SPINDOC: variants seen among roughly 807,000 people sequenced by gnomAD.
SPINDOC encodes spindlin interactor and repressor of chromatin binding.
A neutral mutation model predicts 30.7 loss-of-function variants in SPINDOC; 13 were observed. That is an observed-to-expected ratio of 0.42 (90% CI 0.28 to 0.67). SPINDOC has a LOEUF of 0.67. Ranked by LOEUF, SPINDOC falls within the 30% of genes least tolerant of loss-of-function variation. The pLI is 0.22. For missense variants in SPINDOC, 438 were observed against 518.0 expected, an observed-to-expected ratio of 0.85 and a Z score of 1.50; for synonymous variants, 228 against 211.4, an observed-to-expected ratio of 1.08 and a Z score of -0.68.
chr11:63,817,837 C>T lies in SPINDOC; in HGVS notation c.160C>T (p.Pro54Ser), dbSNP rs770657491. Reference protein sequence around the residue: ...TQQEKTPPPRPSPLEAGSDGC... With the variant: ...TQQEKTPPPRSSPLEAGSDGC... ...ACAGGAGAAGACCCCACCGCCTAGA[C>T]CCAGCCCGCTAGAGGCAGGCAGTGA... The change falls in exon 2 of 6, where the codon CCC becomes TCC. Residue 54 changes from proline to serine, a missense_variant. Physicochemically the swap from Pro to Ser is moderately conservative, Grantham distance 74. Around this residue, in one of 3 missense-constraint regions of SPINDOC, gnomAD observed 129 missense variants for 152.7 expected, o/e 0.84. Coordinates refer to ENST00000294244, the MANE Select transcript of SPINDOC (RefSeq NM_138471.3). The T allele has an allele frequency of 6.2e-7, 1 of 1,603,306 alleles. No homozygotes were observed. Among genetic ancestry groups the T allele is most frequent in the Non-Finnish European group, 8.5e-7 (1 of 1,174,982 alleles).
Position 63,818,474 on chromosome 11 carries a change from C to A in SPINDOC, c.608-53C>A, listed in dbSNP as rs940444612. ...GGTATCTTCAGGAGCCCTGGGGTGG[C>A]AGGGTTCGGGGATGGCCTCTTTAAA... On this transcript the variant is annotated intron_variant, in intron 3 of 5. Coordinates refer to ENST00000294244, the MANE Select transcript of SPINDOC (RefSeq NM_138471.3). The surrounding 1 kb of genome is among the most constrained non-coding windows in gnomAD (Gnocchi z 5.3). The A allele has an allele frequency of 5.0e-6, 8 of 1,603,878 alleles. No individual in the cohort carries two copies. The highest frequency in any genetic ancestry group is 5.9e-6 in the Non-Finnish European group (7 of 1,177,378).
intron 1 of SPINDOC, among the ~76,000 whole-genome samples, 179 bp downstream of exon 1, chr11:63,813,992 G>A (rs2015269480): frequency 6.6e-6 from 1 of 152,188 alleles, no homozygotes; most frequent in Non-Finnish European, 1.5e-5. Context: ...CCATGGTTTA[G>A]AAGCTCAGGC....
At chr11:63,820,870 A>G (rs2015497930) in intron 5 of SPINDOC, among the ~76,000 whole-genome samples, 1 of 136,542 alleles carries the variant, frequency 7.3e-6, no homozygotes, top group South Asian at 2.7e-4. Flanking sequence ...AGCCTGGGCG[A>G]CAGAGCGAAA....
chr11:63,814,020 C>T (rs937906664), intron 1 of SPINDOC, among the ~76,000 whole-genome samples: 1 of 152,248 alleles, frequency 6.6e-6, no homozygotes, highest in Non-Finnish European at 1.5e-5. Context: ...ATTTCCCCCT[C>T]CCTTCCCCTT....
In SPINDOC at chr11:63,818,631, A is replaced by G. The variant is rs1590931793; in HGVS notation, c.712A>G (p.Lys238Glu). ...AAAGAAAAGAGGCAGACCTATGACC[A>G]AAAACCTGGACCCTGACCCAGGTGA... ...VRKKRGRPMTKNLDPDPEPPS... is the reference protein window; with the variant it reads ...VRKKRGRPMTENLDPDPEPPS... Residue 238 changes from lysine (K) to glutamate (E), a missense_variant, in exon 4 of 6, where the codon AAA (lysine) becomes GAA (glutamate). Around this residue, in one of 3 missense-constraint regions of SPINDOC, gnomAD observed 300 missense variants for 332.8 expected, o/e 0.90. Transcript: ENST00000294244. The surrounding 1 kb of genome is among the most constrained non-coding windows in gnomAD (Gnocchi z 5.3). The G allele has an allele frequency of 6.2e-7, 1 of 1,613,670 alleles. No individual in the cohort carries two copies. Among genetic ancestry groups the G allele is most frequent in the East Asian group, 2.2e-5 (1 of 44,862 alleles).
chr11:63,815,561 A>G (rs1227233537), intron 1 of SPINDOC, among the ~76,000 whole-genome samples: 1 of 152,218 alleles, frequency 6.6e-6, no homozygotes, highest in Admixed American at 6.5e-5. Flanking sequence ...TAGTGGCGTA[A>G]ACAGAAATTG....
chr11:63,825,530 TA>T lies in SPINDOC; in HGVS notation c.935-1395del, dbSNP rs541719336. On this transcript the variant is annotated intron_variant, in intron 5 of 5. Transcript: ENST00000294244. Reference sequence around the variant, plus strand: ...TGTTTATCCTATTTATTAGCTCTGATAAATAGAATGTGAAGTCCCAGAAGGC... The same window carrying T: ...TGTTTATCCTATTTATTAGCTCTGATAATAGAATGTGAAGTCCCAGAAGGC... 2.5e-4 allele frequency among the ~76,000 whole-genome samples: 38 copies of T among 152,362 alleles called. No individual in the cohort carries two copies. The South Asian group carries it at 7.5e-3, about 30-fold the overall frequency.
intron 5 of SPINDOC, among the ~76,000 whole-genome samples, chr11:63,825,248 C>T (rs2015628077): frequency 6.6e-6 from 1 of 152,136 alleles, no homozygotes; most frequent in African/African-American, 2.4e-5. Flanking sequence ...CCTGACCTCT[C>T]CCCCCACATC....
At chr11:63,822,519 T>G in intron 5 of SPINDOC, 1 of 938,500 alleles carries the variant, frequency 1.1e-6, no homozygotes, top group Non-Finnish European at 1.5e-6. Context: ...TCTGTGTGTT[T>G]GCGTGTGTGT....
chr11:63,826,194 C>A (rs1268372035), intron 5 of SPINDOC, among the ~76,000 whole-genome samples: 1 of 152,182 alleles, frequency 6.6e-6, no homozygotes, highest in East Asian at 1.9e-4. Flanking sequence ...CCCTGGCCTC[C>A]CAAAGTGCTG....
At chr11:63,822,538 T>A in intron 5 of SPINDOC, 1 of 1,157,996 alleles carries the variant, frequency 8.6e-7, no homozygotes, top group Non-Finnish European at 1.2e-6. Context: ...GTGTAGTTGC[T>A]TTTGTTTATT....
intron 5 of SPINDOC, chr11:63,823,308 T>TA: frequency 1.6e-6 from 2 of 1,227,674 alleles, no homozygotes; most frequent in Non-Finnish European, 2.1e-6. Flanking sequence ...TCTGTGTTGT[T>TA]ATGTACGTAT....
chr11:63,820,758 C>T (rs947866273), intron 5 of SPINDOC, among the ~76,000 whole-genome samples: 3 of 151,020 alleles, frequency 2.0e-5, no homozygotes, highest in South Asian at 4.2e-4. Flanking sequence ...GGCATGGTGG[C>T]GCACGCCTGT....
chr11:63,825,247 T>TC (rs981199588), intron 5 of SPINDOC, among the ~76,000 whole-genome samples: 10 of 152,110 alleles, frequency 6.6e-5, no homozygotes, highest in South Asian at 4.2e-4. Context: ...TCCTGACCTC[T>TC]CCCCCCACAT....
rs1158937632 is a variant in SPINDOC, at chr11:63,827,456, C to T, written c.*317C>T. 6.8e-6 allele frequency: 3 copies of T among 442,888 alleles called. No individual in the cohort carries two copies. Among genetic ancestry groups the T allele is most frequent in the Middle Eastern group, 6.6e-4 (1 of 1,518 alleles). The allele number at this position is 442,888 out of a possible 1,614,324, so 27.4% of individuals were successfully genotyped here. A position where few individuals can be genotyped will look rare whatever the true frequency, so the allele number is the denominator to read the frequency against. ...CTCCTCCCACCCTCCCCCTGCTCCC[C>T]ACCATTCTCCCTTGGCACAGTGCCT... On this transcript the variant is annotated 3_prime_UTR_variant, in exon 6 of 6. Transcript: ENST00000294244.
chr11:63,818,624 T>C lies in SPINDOC; in HGVS notation c.705T>C (p.Pro235=). The change falls in exon 4 of 6, where the codon CCT becomes CCC. Residue 235 remains proline (P), a synonymous_variant. Transcript: ENST00000294244. The surrounding 1 kb of genome is among the most constrained non-coding windows in gnomAD (Gnocchi z 5.3). The stretch of plus-strand genomic sequence containing the variant: ...CAGTCAGAAAGAAAAGAGGCAGACC[T>C]ATGACCAAAAACCTGGACCCTGACC... ...EEPVRKKRGR[P]MTKNLDPDPE... is the part of the protein sequence containing the mutation. 6.2e-7 allele frequency: 1 copy of C among 1,613,662 alleles called. No homozygotes were observed. The highest frequency in any genetic ancestry group is 8.5e-7 in the Non-Finnish European group (1 of 1,179,986).
chr11:63,824,226 A>G (rs1394254479), intron 5 of SPINDOC, among the ~76,000 whole-genome samples: 1 of 151,936 alleles, frequency 6.6e-6, no homozygotes, highest in East Asian at 1.9e-4. Flanking sequence ...TCTCTTTATG[A>G]TCTCGTGGTT....
intron 5 of SPINDOC, among the ~76,000 whole-genome samples, chr11:63,824,064 C>A (rs148505115): frequency 6.6e-6 from 1 of 152,128 alleles, no homozygotes; most frequent in Admixed American, 6.5e-5. Flanking sequence ...TGCGCCACCA[C>A]GCCTGGCTAA....
intron 5 of SPINDOC, among the ~76,000 whole-genome samples, chr11:63,820,040 C>T (rs1378385177): frequency 6.6e-6 from 1 of 152,166 alleles, no homozygotes. Flanking sequence ...GACACCAGCT[C>T]AGTAAATTGC....
Sources: gnomAD v4.1 joint callset for allele counts (sites outside exome capture counted in the v4.1 genomes callset) on GRCh38, gnomAD v4.1.1 for gene constraint, gnomAD v4.1.1 regional missense constraint, Gnocchi (gnomAD v3.1) non-coding constraint, MANE v1.5 for transcripts, NCBI Gene and HGNC (gene_info 2026-07-23, HGNC 2026-07-21) for gene names.